The following DGKG variants were observed in gnomAD, a reference collection of about 807,000 sequenced individuals.
DGKG encodes diacylglycerol kinase gamma.
DGKG carries 78 observed loss-of-function variants against 105.3 expected under a neutral mutation model. The observed-to-expected ratio is 0.74, with a 90% CI of 0.62 to 0.89. The LOEUF (loss-of-function observed/expected upper bound fraction) is 0.89. Ranked by LOEUF, DGKG falls within the 40% of genes least tolerant of loss-of-function variation. DGKG has a pLI of 0.00. For missense variants in DGKG, 958 were observed against 1,020.1 expected (o/e 0.94, Z 0.83); for synonymous variants, 346 against 367.1 (o/e 0.94, Z 0.66).
intron 19 of DGKG, among the ~76,000 whole-genome samples, chr3:186,243,462 C>T (rs1371176852): frequency 2.0e-5 from 3 of 152,158 alleles, no homozygotes; most frequent in African/African-American, 7.2e-5. Flanking sequence ...CCACTCCACA[C>T]CGTGGCCATC....
At chr3:186,296,830 T>C (rs1227119457) in intron 5 of DGKG, among the ~76,000 whole-genome samples, 1 of 152,200 alleles carries the variant, frequency 6.6e-6, no homozygotes, top group African/African-American at 2.4e-5. Flanking sequence ...TTAGATGAAA[T>C]GTGTAATGAG....
intron 19 of DGKG, among the ~76,000 whole-genome samples, chr3:186,244,794 A>G (rs1720860229): frequency 6.6e-6 from 1 of 152,038 alleles, no homozygotes; most frequent in African/African-American, 2.4e-5. Flanking sequence ...TGCGGACCCC[A>G]GAGAGGCCTC....
chr3:186,207,379 T>G, intron 21 of DGKG: 93 of 895,992 alleles, frequency 1.0e-4, no homozygotes, highest in Non-Finnish European at 1.2e-4. Flanking sequence ...ATTTGAAGGC[T>G]GATCTGATCA....
At chr3:186,262,737 G>C (rs1386645671) in intron 14 of DGKG, among the ~76,000 whole-genome samples, 1 of 152,202 alleles carries the variant, frequency 6.6e-6, no homozygotes, top group Non-Finnish European at 1.5e-5. Context: ...AGTAAGTCTA[G>C]AGTGTGTCTC....
intron 14 of DGKG, among the ~76,000 whole-genome samples, chr3:186,262,337 A>G (rs1560121391): frequency 6.6e-6 from 1 of 152,116 alleles, no homozygotes; most frequent in Non-Finnish European, 1.5e-5. Flanking sequence ...TCTCCCTATG[A>G]AACTCGGCCT....
chr3:186,175,396 C>T (rs1717025194), intron 22 of DGKG, among the ~76,000 whole-genome samples: 1 of 152,188 alleles, frequency 6.6e-6, no homozygotes, highest in Non-Finnish European at 1.5e-5. Context: ...AAAATGTGTC[C>T]TCCATTCTGT....
chr3:186,298,253 G>A, intron 3 of DGKG, 24 bp from the exon 4 acceptor site: 1 of 1,562,040 alleles, frequency 6.4e-7, no homozygotes, highest in South Asian at 1.2e-5. Context: ...AAAGGGCAAA[G>A]TCAGTGGAGA....
intron 20 of DGKG, 40 bp downstream of exon 20, chr3:186,242,464 A>G (rs1720734494): frequency 1.3e-6 from 2 of 1,577,618 alleles, no homozygotes; most frequent in African/African-American, 1.3e-5. Flanking sequence ...CGCCAGGGCC[A>G]CACTGGGTGG....
intron 1 of DGKG, among the ~76,000 whole-genome samples, chr3:186,330,722 G>C (rs548616105): frequency 6.6e-6 from 1 of 152,314 alleles, no homozygotes; most frequent in Admixed American, 6.5e-5. Context: ...ATTCCAGCCA[G>C]CACCCAGTCA....
At chr3:186,318,581 T>G (rs1003728613) in intron 2 of DGKG, among the ~76,000 whole-genome samples, 23 of 152,010 alleles carry the variant, frequency 1.5e-4, no homozygotes, top group African/African-American at 5.3e-4. Context: ...CATGACCGAA[T>G]GGGGGGATCC....
chr3:186,150,153 C>T lies in DGKG; in HGVS notation c.2313G>A (p.Met771Ile), dbSNP rs1316598159. ...KITHKNQAPMMMGPPQKSSFF... is the reference protein window; with the variant it reads ...KITHKNQAPMIMGPPQKSSFF... ...AGCTGCTCTTCTGGGGAGGCCCCAT[C>T]ATCATGGGCGCTTGGTTCTTGTGAG... Residue 771 changes from methionine (M) to isoleucine (I), a missense_variant, in exon 25 of 25, where the codon ATG becomes ATA. This residue lies in a region of DGKG where 315 missense variants were observed against 400.6 expected (regional missense o/e 0.79). Coordinates refer to ENST00000265022, the MANE Select transcript of DGKG (RefSeq NM_001346.3). 3.7e-6 allele frequency: 6 copies of T among 1,613,470 alleles called. No homozygotes were observed. In the South Asian group the frequency reaches 4.4e-5, roughly 12 times the overall value.
chr3:186,227,150 G>C (rs372582773), intron 20 of DGKG, among the ~76,000 whole-genome samples: 5 of 152,156 alleles, frequency 3.3e-5, no homozygotes, highest in African/African-American at 1.2e-4. Flanking sequence ...GAGTCTATAA[G>C]TTACTATTAC....
intron 24 of DGKG, among the ~76,000 whole-genome samples, chr3:186,157,174 C>T (rs545164443): frequency 1.3e-5 from 2 of 152,076 alleles, no homozygotes; most frequent in Non-Finnish European, 2.9e-5. Flanking sequence ...AGGGGAGAAG[C>T]TTTCTGATCT....
intron 20 of DGKG, among the ~76,000 whole-genome samples, chr3:186,212,743 C>T (rs574719826): frequency 6.6e-6 from 1 of 152,300 alleles, no homozygotes; most frequent in South Asian, 2.1e-4. Flanking sequence ...GTATTCCATT[C>T]CTTCCACCCC....
At chr3:186,161,987 C>T (rs982337106) in intron 23 of DGKG, among the ~76,000 whole-genome samples, 46 of 151,982 alleles carry the variant, frequency 3.0e-4, no homozygotes, top group Admixed American at 1.6e-3. Flanking sequence ...CTCTGCCTCC[C>T]GGATTCAAGC....
In DGKG at chr3:186,184,806, TCCAATGAAACTG is replaced by T. The variant is rs1487508250; in HGVS notation, c.2095+3384_2095+3395del. ...TCCTGATTTCTCCCTCTCCTCCAAC[TCCAATGAAACTG>T]CCAAGGAGTTAAGAATCGCAACACA... On this transcript the variant is annotated intron_variant, in intron 22 of 24. Coordinates refer to ENST00000265022, the MANE Select transcript of DGKG (RefSeq NM_001346.3). Among the ~76,000 whole-genome samples the T allele has an allele frequency of 3.3e-5, 5 of 151,922 alleles. No homozygotes were observed. The East Asian group carries it at 9.7e-4, about 29-fold the overall frequency.
intron 1 of DGKG, among the ~76,000 whole-genome samples, chr3:186,327,435 G>A (rs1483504387): frequency 6.8e-6 from 1 of 147,744 alleles, no homozygotes; most frequent in African/African-American, 2.5e-5. Flanking sequence ...CACCCATGCT[G>A]GAGAGCAGTA....
At chr3:186,168,635 T>C (rs1716670025) in intron 22 of DGKG, among the ~76,000 whole-genome samples, 1 of 152,002 alleles carries the variant, frequency 6.6e-6, no homozygotes, top group Admixed American at 6.6e-5. Flanking sequence ...TCATCTGAGA[T>C]CAGGAGTTCA....
At chr3:186,173,241 T>C (rs1177644093) in intron 22 of DGKG, among the ~76,000 whole-genome samples, 1 of 152,220 alleles carries the variant, frequency 6.6e-6, no homozygotes, top group Non-Finnish European at 1.5e-5. Context: ...GCACGAATTT[T>C]TGGGGGACAC....
Sources: gnomAD v4.1 joint callset for allele counts (sites outside exome capture counted in the v4.1 genomes callset) on GRCh38, gnomAD v4.1.1 for gene constraint, gnomAD v4.1.1 regional missense constraint, MANE v1.5 for transcripts, NCBI Gene and HGNC (gene_info 2026-07-23, HGNC 2026-07-21) for gene names.